Variants in PCMT1 observed in about 807,000 individuals in gnomAD.
PCMT1 encodes protein-L-isoaspartate (D-aspartate) O-methyltransferase, also known as protein-L-isoaspartate(D-aspartate) O-methyltransferase.
A neutral mutation model predicts 29.2 loss-of-function variants in PCMT1; 9 were observed. The ratio of observed to expected loss-of-function variants is 0.31; its 90% CI spans 0.19 to 0.54. The LOEUF is 0.54. Ranked by LOEUF, PCMT1 falls within the 20% of genes least tolerant of loss-of-function variation. The pLI is 0.95. For synonymous variants in PCMT1, 98 were observed against 97.5 expected (o/e 1.00, Z -0.03); for missense variants, 184 against 282.2 (o/e 0.65, Z 2.49).
rs1185056623 is a variant in PCMT1 at position 149,749,755 on chromosome 6, G to T, written c.-147G>T. 3 of 1,546,434 alleles carry T rather than the reference G, an allele frequency of 1.9e-6. No individual in the cohort carries two copies. The highest frequency in any genetic ancestry group is 2.6e-6 in the Non-Finnish European group (3 of 1,144,822). ...GCCGGGAGCGCGCAGTGGCGGCAGC[G>T]GCGGCGACGGCAGTAACAGCGGCAG... On this transcript the variant is annotated 5_prime_UTR_variant, in exon 1 of 8. Transcript: ENST00000464889.
Position 149,810,955 on chromosome 6 carries a change from C to T in PCMT1, c.*377C>T, listed in dbSNP as rs1033925877. 5.5e-5 allele frequency: 14 copies of T among 256,232 alleles called. No individual in the cohort carries two copies. The highest frequency in any genetic ancestry group is 2.1e-4 in the Admixed American group (4 of 18,704). The allele number at this position is 256,232 out of a possible 1,614,324, so 15.9% of individuals were successfully genotyped here. ...GAGGAGTGGTTTTTCTTTTCTTGGA[C>T]ACTTAATTCTGTTCTGATATTAATT... is the stretch of plus-strand genomic sequence containing the variant. On this transcript the variant is annotated 3_prime_UTR_variant, in exon 8 of 8. Transcript: ENST00000464889.
intron 3 of PCMT1, among the ~76,000 whole-genome samples, chr6:149,774,768 G>T (rs958032456): frequency 9.0e-5 from 13 of 144,336 alleles, no homozygotes; most frequent in Admixed American, 7.7e-4. Context: ...GTGCAGTGGC[G>T]CCATCTTGGC....
intron 1 of PCMT1, among the ~76,000 whole-genome samples, chr6:149,751,914 C>T (rs1786336610): frequency 6.6e-6 from 1 of 151,782 alleles, no homozygotes; most frequent in Non-Finnish European, 1.5e-5. Flanking sequence ...TCACTGTCAC[C>T]CAGGTTGGAG....
At chr6:149,806,626 G>C (rs1302104962) in intron 7 of PCMT1, among the ~76,000 whole-genome samples, 2 of 152,100 alleles carry the variant, frequency 1.3e-5, no homozygotes, top group South Asian at 2.1e-4. Context: ...GTCTCTCTCT[G>C]TCACCCAGGC....
At chr6:149,796,291 C>T (rs984887040) in intron 5 of PCMT1, 124 bp from the exon 6 acceptor site, 5 of 528,678 alleles carry the variant, frequency 9.5e-6, no homozygotes, top group Admixed American at 6.0e-5. Flanking sequence ...AGTGAATATC[C>T]AGTTGTCCCA....
At chr6:149,806,737 G>A (rs1402886475) in intron 7 of PCMT1, among the ~76,000 whole-genome samples, 1 of 152,036 alleles carries the variant, frequency 6.6e-6, no homozygotes, top group Non-Finnish European at 1.5e-5. Context: ...ACCACAGGGT[G>A]TGCCACCATA....
intron 2 of PCMT1, chr6:149,772,554 G>A (rs1386113089): frequency 2.2e-6 from 1 of 453,438 alleles, no homozygotes. Flanking sequence ...TCCTTTCTTA[G>A]CTGACTCTAC....
chr6:149,776,736 T>C (rs1046730376), intron 3 of PCMT1, among the ~76,000 whole-genome samples: 1 of 152,158 alleles, frequency 6.6e-6, no homozygotes, highest in African/African-American at 2.4e-5. Context: ...ACTTAGTAAA[T>C]TGCAAATTAG....
chr6:149,767,481 T>C (rs10452626), intron 1 of PCMT1, among the ~76,000 whole-genome samples: 80,947 of 151,836 alleles, frequency 0.53, 24,772 homozygotes, highest in East Asian at 0.83. Flanking sequence ...GAGACAGGGT[T>C]TCACTCTGTC....
chr6:149,761,495 T>C (rs1562397486), intron 1 of PCMT1, among the ~76,000 whole-genome samples: 1 of 152,156 alleles, frequency 6.6e-6, no homozygotes, highest in African/African-American at 2.4e-5. Flanking sequence ...CTAAATCATA[T>C]GCTTAAACTG....
At chr6:149,803,052 CAAAAAAAAAAAAAA>C (rs60853264) in intron 7 of PCMT1, among the ~76,000 whole-genome samples, 36 of 70,574 alleles carry the variant, frequency 5.1e-4, no homozygotes, top group South Asian at 1.1e-3. Flanking sequence ...GGCTCTGTCT[CAAAAAAAAAAAAAA>C]AAAAAAAAAA....
At chr6:149,794,798 A>C (rs776071739) in intron 5 of PCMT1, 7 of 483,296 alleles carry the variant, frequency 1.4e-5, no homozygotes, top group Non-Finnish European at 2.5e-5. Flanking sequence ...TCATGTTGCC[A>C]GTGAGGGACA....
At chr6:149,771,900 T>G in intron 2 of PCMT1, 1 of 442,792 alleles carries the variant, frequency 2.3e-6, no homozygotes, top group Non-Finnish European at 4.5e-6. Context: ...GACTAAAGAT[T>G]AGTTTTCAGG....
At chr6:149,778,507 G>A (rs1018874809) in intron 3 of PCMT1, among the ~76,000 whole-genome samples, 3 of 151,888 alleles carry the variant, frequency 2.0e-5, no homozygotes, top group African/African-American at 7.3e-5. Context: ...GGGATTACAG[G>A]CCTGAGCCAC....
chr6:149,788,518 C>G (rs1054511719), intron 3 of PCMT1, among the ~76,000 whole-genome samples: 3 of 152,108 alleles, frequency 2.0e-5, no homozygotes. Context: ...TAATGTCCCT[C>G]AATTTGGGTT....
intron 4 of PCMT1, among the ~76,000 whole-genome samples, chr6:149,793,340 A>G (rs936882477): frequency 6.6e-6 from 1 of 152,184 alleles, no homozygotes; most frequent in African/African-American, 2.4e-5. Context: ...TTAGTATTAC[A>G]AGTTTTATTC....
chr6:149,749,752 A>AGCG lies in PCMT1; in HGVS notation c.-143_-141dup. The AGCG allele has an allele frequency of 6.5e-7, 1 of 1,546,048 alleles. No individual in the cohort carries two copies. Among genetic ancestry groups the AGCG allele is most frequent in the Middle Eastern group, 1.7e-4 (1 of 5,904 alleles). On this transcript the variant is annotated 5_prime_UTR_variant, in exon 1 of 8. Transcript: ENST00000464889. ...GATGCCGGGAGCGCGCAGTGGCGGC[A>AGCG]GCGGCGGCGACGGCAGTAACAGCGG...
intron 1 of PCMT1, among the ~76,000 whole-genome samples, chr6:149,768,658 G>A (rs1011823946): frequency 6.6e-6 from 1 of 150,816 alleles, no homozygotes; most frequent in Non-Finnish European, 1.5e-5. Context: ...ACAGAGCCTC[G>A]CTCTGTTGCT....
chr6:149,777,876 CTTTTTTTT>C (rs57484963), intron 3 of PCMT1, among the ~76,000 whole-genome samples: 2 of 111,076 alleles, frequency 1.8e-5, no homozygotes, highest in African/African-American at 3.6e-5. Flanking sequence ...TTCTTTTCTT[CTTTTTTTT>C]TTTTTTTTTT....
Sources: allele counts gnomAD v4.1 joint callset (sites outside exome capture counted in the v4.1 genomes callset), GRCh38; gene constraint gnomAD v4.1.1; transcripts MANE v1.5; gene names NCBI Gene and HGNC (gene_info 2026-07-23, HGNC 2026-07-21).